SCN8A: variants seen among roughly 807,000 people sequenced by gnomAD.
SCN8A encodes sodium channel protein type 8 subunit alpha.
A neutral mutation model predicts 184.1 loss-of-function variants in SCN8A; 30 were observed. The observed-to-expected ratio is 0.16, with a 90% CI of 0.12 to 0.22. The LOEUF is 0.22. SCN8A is among the 10% of genes least tolerant of loss of function. SCN8A has a pLI of 1.00. For synonymous variants in SCN8A, 852 were observed against 907.0 expected, an observed-to-expected ratio of 0.94 and a Z score of 1.09; for missense variants, 1,057 against 2,498.9, an observed-to-expected ratio of 0.42 and a Z score of 12.30.
At chr12:51,753,514 C>T (rs1942627269) in intron 14 of SCN8A, among the ~76,000 whole-genome samples, 2 of 152,180 alleles carry the variant, frequency 1.3e-5, no homozygotes, top group South Asian at 2.1e-4. Flanking sequence ...ACGTGCTGGA[C>T]CTCATGAGTG....
intron 2 of SCN8A, among the ~76,000 whole-genome samples, chr12:51,681,106 T>C (rs1046977801): frequency 6.6e-6 from 1 of 152,106 alleles, no homozygotes; most frequent in Non-Finnish European, 1.5e-5. Flanking sequence ...CCCGGTGGTT[T>C]TTAGGTCTTG....
At chr12:51,737,710 G>T (rs565651513) in intron 12 of SCN8A, among the ~76,000 whole-genome samples, 9 of 152,182 alleles carry the variant, frequency 5.9e-5, no homozygotes, top group Non-Finnish European at 8.8e-5. Flanking sequence ...AATTTTGTAA[G>T]TGATCATATA....
At chr12:51,637,356 TAGTG>T (rs1424682889) in intron 1 of SCN8A, among the ~76,000 whole-genome samples, 1 of 152,164 alleles carries the variant, frequency 6.6e-6, no homozygotes, top group Non-Finnish European at 1.5e-5. Context: ...TGATTAAACT[TAGTG>T]AGGAAGGCAT....
chr12:51,742,978 A>G (rs1942452319), intron 12 of SCN8A, among the ~76,000 whole-genome samples: 1 of 152,110 alleles, frequency 6.6e-6, no homozygotes, highest in South Asian at 2.1e-4. Context: ...TGTCTGATCA[A>G]TTCTCTTATT....
chr12:51,670,875 G>A (rs149274408), intron 2 of SCN8A, among the ~76,000 whole-genome samples: 5 of 152,196 alleles, frequency 3.3e-5, no homozygotes, highest in South Asian at 2.1e-4. Flanking sequence ...TCTATATGCC[G>A]GGGCTCTGTT....
In SCN8A at chr12:51,768,846, T is replaced by C. The variant is rs1424387561; in HGVS notation, c.2902-19T>C. ...AACTTTTCTGCATTTGTTCCTTTTT[T>C]CCAATGCTACTGGCATAGGTGCTGA... On this transcript the variant is annotated intron_variant, in intron 16 of 26. Coordinates refer to ENST00000627620, the MANE Select transcript of SCN8A (RefSeq NM_001330260.2). 9 of 1,517,188 alleles carry C rather than the reference T, an allele frequency of 5.9e-6. No individual in the cohort carries two copies. The highest frequency in any genetic ancestry group is 1.3e-5 in the South Asian group (1 of 74,514). The allele number at this position is 1,517,188 out of a possible 1,614,324, so 94.0% of individuals were successfully genotyped here.
At chr12:51,613,084 T>C (rs139665867) in intron 1 of SCN8A, among the ~76,000 whole-genome samples, 95 of 152,298 alleles carry the variant, frequency 6.2e-4, no homozygotes, top group African/African-American at 2.1e-3. Context: ...TATTGGTCTG[T>C]AGTTTTGTTT....
rs369368623 is a variant in SCN8A at position 51,686,475 on chromosome 12, G to A, written c.485+18G>A. 40 of 1,480,180 alleles carry A rather than the reference G, an allele frequency of 2.7e-5. No individual in the cohort carries two copies. Among genetic ancestry groups the A allele is most frequent in the Non-Finnish European group, 3.5e-5 (37 of 1,060,558 alleles). The allele number at this position is 1,480,180 out of a possible 1,614,324, so 91.7% of individuals were successfully genotyped here. On this transcript the variant is annotated intron_variant, in intron 4 of 26. Transcript: ENST00000627620. Reference sequence around the variant, plus strand: ...AATGTGGAGTAAGTAACTCATTTATGTGTGTGCTTGTTTGTTTTAAATATT... The same window carrying A: ...AATGTGGAGTAAGTAACTCATTTATATGTGTGCTTGTTTGTTTTAAATATT...
chr12:51,769,321 G>A lies in SCN8A; in HGVS notation c.3358G>A (p.Glu1120Lys). ...GGATGTTAGCAGCGAGTCGGATCCT[G>A]AAGGCAGCAAAGATGTAAGGTCCCA... ...TEDVSSESDP[E>K]GSKDKLDDTS... Residue 1120 changes from glutamate to lysine, a missense_variant, in exon 17 of 27, where the codon GAA becomes AAA. Physicochemically the swap from Glu to Lys is moderately conservative, Grantham distance 56 (BLOSUM62 1). This residue lies in a region of SCN8A where 178 missense variants were observed against 259.6 expected (regional missense o/e 0.69). Coordinates refer to ENST00000627620, the MANE Select transcript of SCN8A (RefSeq NM_001330260.2). 2 of 1,588,454 alleles carry A rather than the reference G, an allele frequency of 1.3e-6. No individual in the cohort carries two copies. The highest frequency in any genetic ancestry group is 2.3e-5 in the South Asian group (2 of 86,832).
chr12:51,778,184 G>A (rs1427169830), intron 20 of SCN8A, among the ~76,000 whole-genome samples: 1 of 152,168 alleles, frequency 6.6e-6, no homozygotes, highest in Non-Finnish European at 1.5e-5. Context: ...TTTACTTCCG[G>A]ATTTGCTTTG....
intron 14 of SCN8A, among the ~76,000 whole-genome samples, 180 bp from the exon 15 acceptor site, chr12:51,762,323 T>G (rs76152410): frequency 6.6e-6 from 1 of 152,278 alleles, no homozygotes; most frequent in East Asian, 1.9e-4. Flanking sequence ...AAGAGGAGAA[T>G]AAGATTTTCC....
At chr12:51,785,822 G>A (rs1938069338) in intron 21 of SCN8A, among the ~76,000 whole-genome samples, 2 of 152,198 alleles carry the variant, frequency 1.3e-5, no homozygotes, top group South Asian at 4.2e-4. Context: ...GTCAAGCCCT[G>A]GAATGAGCAG....
chr12:51,761,637 C>T (rs1213596738), intron 14 of SCN8A, among the ~76,000 whole-genome samples: 1 of 151,820 alleles, frequency 6.6e-6, no homozygotes, highest in African/African-American at 2.4e-5. Context: ...CATAGGCGCC[C>T]ACCACCACGC....
At chr12:51,726,215 C>G (rs188892367) in intron 12 of SCN8A, among the ~76,000 whole-genome samples, 1 of 152,280 alleles carries the variant, frequency 6.6e-6, no homozygotes, top group East Asian at 1.9e-4. Context: ...GGGACTTTTT[C>G]CTGCGTCTCC....
chr12:51,600,997 G>C (rs1407642501), intron 1 of SCN8A, among the ~76,000 whole-genome samples: 1 of 151,970 alleles, frequency 6.6e-6, no homozygotes, highest in Non-Finnish European at 1.5e-5. Context: ...CTCTATTTAG[G>C]GTATTACCCA....
chr12:51,747,470 G>A (rs182611428), intron 13 of SCN8A, among the ~76,000 whole-genome samples: 3 of 152,242 alleles, frequency 2.0e-5, no homozygotes, highest in Admixed American at 6.5e-5. Flanking sequence ...TAGAGACCAA[G>A]ACAGGATTTC....
In SCN8A at chr12:51,808,880, G is replaced by A. The variant is rs2138948123; in HGVS notation, c.*1451G>A. The A allele has an allele frequency of 6.6e-6, 1 of 152,338 alleles. No homozygotes were observed. Among genetic ancestry groups the A allele is most frequent in the Non-Finnish European group, 1.5e-5 (1 of 68,060 alleles). The allele number at this position is 152,338 out of a possible 1,614,324, so 9.4% of individuals were successfully genotyped here. On this transcript the variant is annotated 3_prime_UTR_variant, in exon 27 of 27. Transcript: ENST00000627620. The stretch of plus-strand genomic sequence containing the variant: ...CAGGGCTTCCCTTGCCCACAGAGGT[G>A]GGTGAGGGTAGCAGCATTGGGGTTA...
At chr12:51,759,242 TA>T in intron 14 of SCN8A, among the ~76,000 whole-genome samples, 1 of 151,040 alleles carries the variant, frequency 6.6e-6, no homozygotes, top group African/African-American at 2.4e-5. Context: ...TAAATGAAAA[TA>T]TATATATAAG....
chr12:51,595,357 GAGA>G (rs1317202068), intron 1 of SCN8A, among the ~76,000 whole-genome samples: 3 of 152,220 alleles, frequency 2.0e-5, no homozygotes, highest in Non-Finnish European at 4.4e-5. Context: ...AAAGACAAAG[GAGA>G]AGGTTTCTGG....
Sources: gnomAD v4.1 joint callset for allele counts (sites outside exome capture counted in the v4.1 genomes callset) on GRCh38, gnomAD v4.1.1 for gene constraint, gnomAD v4.1.1 regional missense constraint, MANE v1.5 for transcripts, NCBI Gene and HGNC (gene_info 2026-07-23, HGNC 2026-07-21) for gene names.